LPA: variants seen among roughly 807,000 people sequenced by gnomAD.
The protein encoded by LPA is apolipoprotein(a).
A neutral mutation model predicts 197.9 loss-of-function variants in LPA; 199 were observed. That is an observed-to-expected ratio of 1.01 (90% CI 0.90 to 1.13). The LOEUF (loss-of-function observed/expected upper bound fraction) is 1.13. Ranked by LOEUF, LPA falls within the 50% of genes most tolerant of loss-of-function variation. The probability of loss-of-function intolerance (pLI) is 0.00; values close to 1 mark genes in which losing one functional copy is unlikely to be tolerated. For missense variants in LPA, 1,853 were observed against 1,785.8 expected (o/e 1.04, Z -0.68); for synonymous variants, 715 against 639.5 (o/e 1.12, Z -1.78).
chr6:160,548,570 C>A lies in LPA; in HGVS notation c.5063G>T (p.Cys1688Phe), dbSNP rs1237146685. The change falls in exon 31 of 39, where the codon TGC (cysteine) becomes TTC (phenylalanine). Residue 1688 changes from cysteine (C) to phenylalanine (F), a missense_variant. Cys to Phe is a radical substitution (Grantham distance 205). Coordinates refer to ENST00000316300, the MANE Select transcript of LPA (RefSeq NM_005577.4). The part of the protein sequence containing the change: ...TMDPSIRWEY[C>F]NLTRCSDTEG... The stretch of plus-strand genomic sequence containing the variant: ...TGTGTCTGAGCATCGCGTCAGGTTG[C>A]AGTACTCCCACCTGATGCTGGGGTC... The A allele has an allele frequency of 6.2e-7, 1 of 1,613,964 alleles. No individual in the cohort carries two copies.
intron 26 of LPA, among the ~76,000 whole-genome samples, chr6:160,584,170 TTTCTTCTTCTTCTTCTTC>T (rs56164694): frequency 0.024 from 2,511 of 103,224 alleles, 39 homozygotes; most frequent in Middle Eastern, 0.046. Flanking sequence ...TCATTTCTAT[TTTCTTCTTCTTCTTCTTC>T]TTCTTCTTCT....
intron 2 of LPA, among the ~76,000 whole-genome samples, chr6:160,647,280 C>T (rs780685286): frequency 2.6e-5 from 4 of 152,170 alleles, no homozygotes; most frequent in Non-Finnish European, 5.9e-5. Context: ...AATTAGGAGG[C>T]AAAGCAGCTG....
At chr6:160,587,989 G>C (rs1440544179) in intron 24 of LPA, among the ~76,000 whole-genome samples, 1 of 151,642 alleles carries the variant, frequency 6.6e-6, no homozygotes, top group Non-Finnish European at 1.5e-5. Context: ...CTTTTCTCTT[G>C]CTATTCTGCT....
At chr6:160,606,834 C>T (rs1319130415) in intron 16 of LPA, among the ~76,000 whole-genome samples, 176 bp from the exon 17 acceptor site, 3 of 152,146 alleles carry the variant, frequency 2.0e-5, no homozygotes, top group African/African-American at 7.2e-5. Context: ...CCTGTCTGCA[C>T]ATTTCTCATA....
At chr6:160,604,523 C>CT (rs1269941273) in intron 18 of LPA, among the ~76,000 whole-genome samples, 2 of 152,130 alleles carry the variant, frequency 1.3e-5, no homozygotes, top group Non-Finnish European at 2.9e-5. Context: ...CATTTTTATT[C>CT]TCTAACAACC....
At chr6:160,661,433 G>A (rs1305647772) in intron 1 of LPA, among the ~76,000 whole-genome samples, 8 of 152,124 alleles carry the variant, frequency 5.3e-5, no homozygotes, top group South Asian at 4.1e-4. Context: ...TTTGTATGCC[G>A]ATGACAAGTA....
chr6:160,560,864 G>A (rs918449588), intron 28 of LPA, among the ~76,000 whole-genome samples: 2 of 152,016 alleles, frequency 1.3e-5, no homozygotes, highest in Non-Finnish European at 2.9e-5. Flanking sequence ...CCATGCCTAT[G>A]TCCTGAATGG....
At chr6:160,551,052 C>T (rs1171939385) in intron 30 of LPA, among the ~76,000 whole-genome samples, 1 of 152,160 alleles carries the variant, frequency 6.6e-6, no homozygotes, top group Non-Finnish European at 1.5e-5. Flanking sequence ...GGTAAATATT[C>T]ACAAACAGGA....
Position 160,531,870 on chromosome 6 carries a change from C to T in LPA, c.5982G>A (p.Leu1994=). ...DSCQGDSGGP[L]VCFEKDKYIL... Reference sequence around the variant, plus strand: ...TGTATTTGTCCTTCTCGAAGCAAACCAGAGGCCCTCCACTGTCACCCTAAA... The same window carrying T: ...TGTATTTGTCCTTCTCGAAGCAAACTAGAGGCCCTCCACTGTCACCCTAAA... The change falls in exon 39 of 39, where the codon CTG becomes CTA. Residue 1994 remains leucine (L), a synonymous_variant. Transcript: ENST00000316300. 1 of 1,614,074 alleles carries T rather than the reference C, an allele frequency of 6.2e-7. No homozygotes were observed.
At chr6:160,562,238 C>G (rs1778374685) in intron 28 of LPA, among the ~76,000 whole-genome samples, 1 of 152,110 alleles carries the variant, frequency 6.6e-6, no homozygotes, top group Admixed American at 6.5e-5. Flanking sequence ...TTGAGACATG[C>G]TCCATCAATA....
intron 1 of LPA, among the ~76,000 whole-genome samples, chr6:160,663,036 G>A (rs1374995473): frequency 6.6e-6 from 1 of 152,180 alleles, no homozygotes. Flanking sequence ...TGGTGGATAA[G>A]GTGCCCAAGC....
At chr6:160,560,031 CAT>C (rs1562321781) in intron 28 of LPA, among the ~76,000 whole-genome samples, 1,654 of 152,274 alleles carry the variant, frequency 0.011, 33 homozygotes, top group African/African-American at 0.038. Context: ...TGAGTGAGAA[CAT>C]ATGGTGTTTG....
In LPA at chr6:160,595,325, G is replaced by T. The variant is rs199578279; in HGVS notation, c.3469+29C>A. ...ACTCTTTTCATCCCAACGTCCTAGG[G>T]TGTGGTTGTCTGGCCATAGACTTCC... On this transcript the variant is annotated intron_variant, in intron 21 of 38. Coordinates refer to ENST00000316300, the MANE Select transcript of LPA (RefSeq NM_005577.4). 199 of 1,609,742 alleles carry T rather than the reference G, an allele frequency of 1.2e-4. 1 individual carries two copies. The highest frequency in any genetic ancestry group is 1.6e-4 in the Non-Finnish European group (189 of 1,179,492).
chr6:160,560,583 T>G (rs1437513722), intron 28 of LPA, among the ~76,000 whole-genome samples: 1 of 152,196 alleles, frequency 6.6e-6, no homozygotes, highest in Non-Finnish European at 1.5e-5. Context: ...CACATAAAGG[T>G]CTTCCTGTCA....
chr6:160,547,853 T>C lies in LPA; in HGVS notation c.5240A>G (p.Gln1747Arg), dbSNP rs1352567630. Residue 1747 changes from glutamine (Q) to arginine (R), a missense_variant, in exon 32 of 39, where the codon CAG (glutamine) becomes CGG (arginine). Gln to Arg is a conservative substitution (Grantham distance 43, BLOSUM62 1). This residue lies in a region of LPA where 1,737 missense variants were observed against 1,504.4 expected (regional missense o/e 1.15). Transcript: ENST00000316300. ...GAACGTGCTGTGTCTATGGGGCTCC[T>C]GGGCAGCCCATTCCTGGCATGGCGT... Reference protein sequence around the residue: ...TGTPCQEWAAQEPHRHSTFIP... With the variant: ...TGTPCQEWAAREPHRHSTFIP... 6.2e-7 allele frequency: 1 copy of C among 1,614,024 alleles called. No homozygotes were observed. Among genetic ancestry groups the C allele is most frequent in the African/African-American group, 1.3e-5 (1 of 74,922 alleles).
chr6:160,562,385 T>A lies in LPA; in HGVS notation c.4632-4814A>T, dbSNP rs1778377545. On this transcript the variant is annotated intron_variant, in intron 28 of 38. Coordinates refer to ENST00000316300, the MANE Select transcript of LPA (RefSeq NM_005577.4). ...TGGATTATGTTTATTGATTTGAATA[T>A]GTTGAACCAGCCTTGCATCCCAGGG... 2.0e-5 allele frequency among the ~76,000 whole-genome samples: 3 copies of A among 152,348 alleles called. No individual in the cohort carries two copies. In the South Asian group the frequency reaches 6.2e-4, roughly 32 times the overall value.
chr6:160,654,943 G>T (rs2115106378), intron 1 of LPA, among the ~76,000 whole-genome samples: 1 of 152,262 alleles, frequency 6.6e-6, no homozygotes, highest in East Asian at 1.9e-4. Context: ...CTCCCCATGA[G>T]GCCATTGGTG....
At chr6:160,572,159 G>T (rs1022408160) in intron 28 of LPA, among the ~76,000 whole-genome samples, 3 of 152,226 alleles carry the variant, frequency 2.0e-5, no homozygotes, top group Admixed American at 1.3e-4. Flanking sequence ...CTTCCCAGGT[G>T]AGGTGACACC....
At chr6:160,607,952 C>T (rs1411996494) in intron 16 of LPA, among the ~76,000 whole-genome samples, 3 of 152,076 alleles carry the variant, frequency 2.0e-5, no homozygotes, top group African/African-American at 7.2e-5. Context: ...TATTACATAC[C>T]ATTGTGCATG....
Sources: allele counts gnomAD v4.1 joint callset (sites outside exome capture counted in the v4.1 genomes callset), GRCh38; gene constraint gnomAD v4.1.1; regional missense constraint gnomAD v4.1.1; transcripts MANE v1.5; gene names NCBI Gene and HGNC (gene_info 2026-07-23, HGNC 2026-07-21).